Variants in VMP1 observed in about 807,000 individuals in gnomAD.
The protein encoded by VMP1 is vacuole membrane protein 1.
VMP1 carries 11 observed loss-of-function variants against 56.0 expected under a neutral mutation model. The observed-to-expected ratio is 0.20, with a 90% CI of 0.12 to 0.32. The LOEUF is 0.32. Ranked by LOEUF, VMP1 falls within the 10% of genes least tolerant of loss-of-function variation. VMP1 has a pLI of 1.00. For missense variants in VMP1, 296 were observed against 490.3 expected (o/e 0.60, Z 3.74); for synonymous variants, 149 against 165.0 (o/e 0.90, Z 0.74).
At chr17:59,735,683 A>G in intron 3 of VMP1, 2 of 527,628 alleles carry the variant, frequency 3.8e-6, no homozygotes, top group Non-Finnish European at 6.6e-6. Context: ...TGCTTACTGG[A>G]TTATCACAGT....
chr17:59,798,677 G>A (rs1385972502), intron 7 of VMP1, among the ~76,000 whole-genome samples: 1 of 152,074 alleles, frequency 6.6e-6, no homozygotes, highest in East Asian at 1.9e-4. Flanking sequence ...ACCTGAGGTC[G>A]GGAGTTCCAG....
chr17:59,724,585 T>C (rs1276613305), intron 1 of VMP1, among the ~76,000 whole-genome samples: 1 of 152,082 alleles, frequency 6.6e-6, no homozygotes, highest in Non-Finnish European at 1.5e-5. Flanking sequence ...GACAGGAGGA[T>C]TGTTTGAATC....
intron 2 of VMP1, among the ~76,000 whole-genome samples, chr17:59,733,989 A>T (rs1314378254): frequency 6.6e-6 from 1 of 152,188 alleles, no homozygotes; most frequent in Non-Finnish European, 1.5e-5. Flanking sequence ...CATTTTTGCG[A>T]TCTAAACCAC....
intron 5 of VMP1, among the ~76,000 whole-genome samples, chr17:59,756,126 T>C (rs544269885): frequency 4.4e-4 from 67 of 152,174 alleles, no homozygotes; most frequent in Non-Finnish European, 7.5e-4. Flanking sequence ...CAGTGCCCAT[T>C]GGGAATCGAT....
chr17:59,825,229 A>G (rs2038609595), intron 10 of VMP1, among the ~76,000 whole-genome samples: 1 of 150,938 alleles, frequency 6.6e-6, no homozygotes, highest in African/African-American at 2.4e-5. Context: ...ACCTGCCACC[A>G]TGCCTGGCTA....
chr17:59,813,145 A>G (rs1598430782), intron 9 of VMP1, among the ~76,000 whole-genome samples: 1 of 151,996 alleles, frequency 6.6e-6, no homozygotes, highest in South Asian at 2.1e-4. Context: ...TCTGTCCTCT[A>G]TTTTCCTGCC....
intron 7 of VMP1, among the ~76,000 whole-genome samples, chr17:59,806,993 T>C (rs1301569883): frequency 6.6e-6 from 1 of 152,074 alleles, no homozygotes; most frequent in Non-Finnish European, 1.5e-5. Flanking sequence ...TTTTTGTTTC[T>C]TTGCTTTAAT....
intron 1 of VMP1, among the ~76,000 whole-genome samples, chr17:59,717,980 A>C (rs2034233703): frequency 6.6e-6 from 1 of 152,048 alleles, no homozygotes; most frequent in Non-Finnish European, 1.5e-5. Context: ...AACAATTAGA[A>C]ACCTGTGATG....
chr17:59,746,561 TA>T (rs1278950158), intron 5 of VMP1, among the ~76,000 whole-genome samples: 3 of 152,224 alleles, frequency 2.0e-5, no homozygotes, highest in African/African-American at 4.8e-5. Flanking sequence ...AAATAAAAGT[TA>T]CTGTTTATTT....
chr17:59,835,167 C>T (rs1255764376), intron 10 of VMP1, among the ~76,000 whole-genome samples: 16 of 150,236 alleles, frequency 1.1e-4, no homozygotes, highest in Admixed American at 8.6e-4. Flanking sequence ...CTCACTCTGT[C>T]GCCCAGGCTG....
At chr17:59,755,215 C>T (rs1052637929) in intron 5 of VMP1, among the ~76,000 whole-genome samples, 2 of 151,904 alleles carry the variant, frequency 1.3e-5, no homozygotes, top group Non-Finnish European at 2.9e-5. Context: ...TCAAGCGATT[C>T]TCCTGCCTCA....
At position 59,839,899 on chromosome 17, in the gene VMP1, G is replaced by C; in HGVS notation, c.1209G>C (p.Glu403Asp). ...KRIQQRLNSE[E>D]KTK is the part of the protein sequence containing the mutation. ...TCCAGCAGCGGTTGAACTCAGAGGA[G>C]AAAACTAAATAAGTAGAGAAAGTTT... The change falls in exon 12 of 12, where the codon GAG (glutamate) becomes GAC (aspartate). Residue 403 changes from glutamate (E) to aspartate (D), a missense_variant. Glu to Asp is a conservative substitution (Grantham distance 45, BLOSUM62 2). This residue lies in a region of VMP1 where 95 missense variants were observed against 137.6 expected (regional missense o/e 0.69). Transcript: ENST00000262291. 3 of 1,610,716 alleles carry C rather than the reference G, an allele frequency of 1.9e-6. No individual in the cohort carries two copies. Among genetic ancestry groups the C allele is most frequent in the Non-Finnish European group, 2.5e-6 (3 of 1,179,342 alleles).
At chr17:59,825,256 T>C (rs1236518614) in intron 10 of VMP1, among the ~76,000 whole-genome samples, 2 of 151,720 alleles carry the variant, frequency 1.3e-5, no homozygotes, top group African/African-American at 4.8e-5. Context: ...GTGTCTTTAG[T>C]AGAGACAGGA....
chr17:59,814,669 T>TA (rs550793710), intron 9 of VMP1, among the ~76,000 whole-genome samples: 81 of 152,268 alleles, frequency 5.3e-4, no homozygotes, highest in African/African-American at 1.9e-3. Flanking sequence ...GAAGGTAAAA[T>TA]ACTTGCCTAA....
chr17:59,773,736 T>A lies in VMP1; in HGVS notation c.583-18T>A. The A allele has an allele frequency of 6.3e-7, 1 of 1,583,470 alleles. No individual in the cohort carries two copies. Among genetic ancestry groups the A allele is most frequent in the Non-Finnish European group, 8.6e-7 (1 of 1,166,156 alleles). ...TGATAACAGAACCTCATTGTAAGTATTTTGGTTTTTCACCTAGGGTATCGG... is the reference window on the plus strand; with the variant it reads ...TGATAACAGAACCTCATTGTAAGTAATTTGGTTTTTCACCTAGGGTATCGG... On this transcript the variant is annotated intron_variant, in intron 6 of 11. Coordinates refer to ENST00000262291, the MANE Select transcript of VMP1 (RefSeq NM_030938.5).
At chr17:59,784,142 T>TGTGTGTGTGTGTGTGTGTGTGTGAGA in intron 7 of VMP1, among the ~76,000 whole-genome samples, 1 of 130,376 alleles carries the variant, frequency 7.7e-6, no homozygotes, top group Non-Finnish European at 1.6e-5. Context: ...TGTGTGTGTG[T>TGTGTGTGTGTGTGTGTGTGTGTGAGA]GAGAGAGAGA....
chr17:59,722,616 A>G (rs1044949574), intron 1 of VMP1, among the ~76,000 whole-genome samples: 1 of 147,906 alleles, frequency 6.8e-6, no homozygotes, highest in Non-Finnish European at 1.5e-5. Flanking sequence ...CAAGGCTAGC[A>G]GATCGCCTGA....
intron 7 of VMP1, among the ~76,000 whole-genome samples, chr17:59,807,590 T>C (rs949796215): frequency 3.3e-5 from 5 of 151,860 alleles, no homozygotes; most frequent in African/African-American, 1.2e-4. Flanking sequence ...CTTGGCACTT[T>C]GGGAGGCCGA....
At chr17:59,815,525 G>A (rs2038195999) in intron 9 of VMP1, among the ~76,000 whole-genome samples, 2 of 152,078 alleles carry the variant, frequency 1.3e-5, no homozygotes, top group Non-Finnish European at 2.9e-5. Context: ...GGAGATAGTA[G>A]GCACTCAATA....
Sources: gnomAD v4.1 joint callset for allele counts (sites outside exome capture counted in the v4.1 genomes callset) on GRCh38, gnomAD v4.1.1 for gene constraint, gnomAD v4.1.1 regional missense constraint, MANE v1.5 for transcripts, NCBI Gene and HGNC (gene_info 2026-07-23, HGNC 2026-07-21) for gene names.